PFKFB1: variants seen among roughly 807,000 people sequenced by gnomAD.
PFKFB1 encodes the protein 6-phosphofructo-2-kinase/fructose-2,6-bisphosphatase 1.
Under a neutral mutation model 46.4 loss-of-function variants are expected in PFKFB1, and 34 were observed. That is an observed-to-expected ratio of 0.73 (90% CI 0.56 to 0.98). PFKFB1 has a LOEUF of 0.98. Among genes scored for constraint, PFKFB1 ranks in the 50% least tolerant of loss-of-function variants. PFKFB1 has a pLI of 0.00. For missense variants in PFKFB1, 393 were observed against 376.3 expected, an observed-to-expected ratio of 1.04 and a Z score of -0.37; for synonymous variants, 119 against 133.8, an observed-to-expected ratio of 0.89 and a Z score of 0.76.
chrX:54,992,791 G>C (rs1165570448), intron 1 of PFKFB1, among the ~76,000 whole-genome samples: 1 of 111,441 alleles, frequency 9.0e-6, no homozygotes, highest in East Asian at 2.8e-4. Flanking sequence ...AAGAGTGGCT[G>C]GCTGGGCGAG....
At chrX:54,979,194 T>TA (rs956002771) in intron 1 of PFKFB1, among the ~76,000 whole-genome samples, 1 of 111,255 alleles carries the variant, frequency 9.0e-6, no homozygotes, top group African/African-American at 3.3e-5. Flanking sequence ...AGCTAAAAAA[T>TA]AAAAAAGCTT....
chrX:54,988,610 T>C (rs1013581476), intron 1 of PFKFB1, among the ~76,000 whole-genome samples: 4 of 111,795 alleles, frequency 3.6e-5, no homozygotes, highest in African/African-American at 1.3e-4. Context: ...TAATCAAGAA[T>C]GTGTGGTACT....
intron 10 of PFKFB1, among the ~76,000 whole-genome samples, chrX:54,944,499 T>C (rs1157014626): frequency 8.9e-6 from 1 of 111,922 alleles, no homozygotes; most frequent in Non-Finnish European, 1.9e-5. Context: ...AAAACAAAGA[T>C]ACACAGAGAA....
chrX:54,933,947 G>T, intron 12 of PFKFB1, 62 bp from the exon 13 acceptor site: 2 of 900,283 alleles, frequency 2.2e-6, no homozygotes, highest in South Asian at 2.1e-5. Context: ...CTTCCCTGAG[G>T]TATCACCTCC....
At chrX:54,993,646 T>C (rs768301485) in intron 1 of PFKFB1, among the ~76,000 whole-genome samples, 7 of 112,472 alleles carry the variant, frequency 6.2e-5, no homozygotes, top group Non-Finnish European at 1.1e-4. Flanking sequence ...AAGCTCTGCA[T>C]AAGAAAGGAA....
intron 1 of PFKFB1, among the ~76,000 whole-genome samples, chrX:54,980,373 A>T (rs1410414914): frequency 9.1e-6 from 1 of 109,675 alleles, no homozygotes; most frequent in Non-Finnish European, 1.9e-5. Context: ...GCAAAGTAAA[A>T]AACAATGTTT....
At chrX:54,941,617 A>G (rs1411329911) in intron 10 of PFKFB1, among the ~76,000 whole-genome samples, 2 of 112,579 alleles carry the variant, frequency 1.8e-5, no homozygotes, top group Non-Finnish European at 3.8e-5. Context: ...GAAGACATCT[A>G]TGCAGCCAAA....
rs1569546552 is a variant in PFKFB1, at chrX:54,933,152, C to A, written c.*251G>T. Reference sequence around the variant, plus strand: ...TGGAAAAGCCTCGCCATGACCTCCTCCTCTCCTCTTGTAGGCAGTAAGTCT... The same window carrying A: ...TGGAAAAGCCTCGCCATGACCTCCTACTCTCCTCTTGTAGGCAGTAAGTCT... On this transcript the variant is annotated 3_prime_UTR_variant, in exon 14 of 14. Transcript: ENST00000375006. 2.6e-6 allele frequency: 1 copy of A among 391,807 alleles called. No individual in the cohort carries two copies. The highest frequency in any genetic ancestry group is 4.4e-6 in the Non-Finnish European group (1 of 224,978). The allele number at this position is 391,807 out of a possible 1,213,427, so 32.3% of individuals were successfully genotyped here.
intron 1 of PFKFB1, among the ~76,000 whole-genome samples, chrX:54,989,524 C>T (rs1203048873): frequency 9.0e-6 from 1 of 111,509 alleles, no homozygotes. Flanking sequence ...CAACAGGCAG[C>T]CAAAACCCCA....
Position 54,933,450 on chromosome X carries a change from T to C in PFKFB1, c.1369A>G (p.Thr457Ala). The change falls in exon 14 of 14, where the codon ACC (threonine) becomes GCC (alanine). Residue 457 changes from threonine (T) to alanine (A), a missense_variant. Thr to Ala is a moderately conservative substitution (Grantham distance 58). Coordinates refer to ENST00000375006, the MANE Select transcript of PFKFB1 (RefSeq NM_002625.4). ...TCCAGGGCTTCCTCAGGTTCCCGGG[T>C]GATGTCCACATTCTGAGGAGAGAGC... ...HREKPENVDI[T>A]REPEEALDTV... The C allele has an allele frequency of 8.3e-7, 1 of 1,206,944 alleles. No homozygotes were observed. The highest frequency in any genetic ancestry group is 1.1e-6 in the Non-Finnish European group (1 of 891,512).
intron 10 of PFKFB1, among the ~76,000 whole-genome samples, chrX:54,938,603 T>G (rs894543652): frequency 1.8e-5 from 2 of 111,214 alleles, no homozygotes; most frequent in Admixed American, 9.6e-5. Context: ...TCCTAGTCTC[T>G]GATAAAACAG....
At chrX:54,946,596 C>T (rs1290718022) in intron 9 of PFKFB1, among the ~76,000 whole-genome samples, 1 of 111,785 alleles carries the variant, frequency 8.9e-6, no homozygotes, top group Non-Finnish European at 1.9e-5. Context: ...CCAACCCACA[C>T]TGCCCATGGA....
intron 1 of PFKFB1, among the ~76,000 whole-genome samples, chrX:54,972,463 T>C (rs1345599959): frequency 9.0e-6 from 1 of 110,701 alleles, no homozygotes; most frequent in Non-Finnish European, 1.9e-5. Flanking sequence ...CAGTATGATA[T>C]TGGCTGTGGG....
intron 1 of PFKFB1, among the ~76,000 whole-genome samples, chrX:54,985,553 T>A (rs1272421611): frequency 2.7e-5 from 3 of 110,806 alleles, no homozygotes; most frequent in African/African-American, 9.8e-5. Flanking sequence ...AGCAAAGAGT[T>A]ATATAGAAAT....
chrX:54,977,323 T>C (rs1191633197), intron 1 of PFKFB1, among the ~76,000 whole-genome samples: 1 of 111,049 alleles, frequency 9.0e-6, no homozygotes, highest in Non-Finnish European at 1.9e-5. Context: ...GTGTAGACAC[T>C]GTACTCTAAT....
intron 4 of PFKFB1, 113 bp from the exon 5 acceptor site, chrX:54,959,038 C>T (rs1210786376): frequency 2.2e-5 from 11 of 510,057 alleles, no homozygotes; most frequent in Non-Finnish European, 3.8e-5. Flanking sequence ...AGAACTTGAA[C>T]AAGGTCTTGA....
At chrX:54,966,613 C>T (rs1197109085) in intron 1 of PFKFB1, among the ~76,000 whole-genome samples, 1 of 111,413 alleles carries the variant, frequency 9.0e-6, no homozygotes, top group African/African-American at 3.3e-5. Context: ...AGAATGGGAG[C>T]CTCCAGGAAT....
chrX:54,994,654 T>C, upstream of PFKFB1: 1 of 753,363 alleles, frequency 1.3e-6, no homozygotes, highest in Non-Finnish European at 1.6e-6. Context: ...ACATGGAAGG[T>C]CCACTACTTC....
Position 54,949,072 on chromosome X carries a change from C to T in PFKFB1, c.993+3G>A, listed in dbSNP as rs768279986. ...CACAGGAGATTCACCCCATGCATCT[C>T]ACCGCATCAATCTCATTCAGGGCCT... On this transcript the variant is annotated splice_donor_region_variant and intron_variant, in intron 9 of 13. Transcript: ENST00000375006. The T allele has an allele frequency of 4.1e-6, 5 of 1,210,791 alleles. No individual in the cohort carries two copies. The South Asian group carries it at 8.8e-5, about 21-fold the overall frequency.
Sources: allele counts gnomAD v4.1 joint callset (sites outside exome capture counted in the v4.1 genomes callset), GRCh38; gene constraint gnomAD v4.1.1; transcripts MANE v1.5; gene names NCBI Gene and HGNC (gene_info 2026-07-23, HGNC 2026-07-21).